The following SNTG1 variants were observed in gnomAD, a reference collection of about 807,000 sequenced individuals.
The protein encoded by SNTG1 is gamma-1-syntrophin.
SNTG1 carries 39 observed loss-of-function variants against 74.7 expected under a neutral mutation model. The ratio of observed to expected loss-of-function variants is 0.52; its 90% CI spans 0.40 to 0.68. The LOEUF is 0.68. SNTG1 is among the 30% of genes least tolerant of loss of function. The pLI is 0.00. For missense variants in SNTG1, 685 were observed against 609.5 expected (o/e 1.12, Z -1.30); for synonymous variants, 254 against 217.1 (o/e 1.17, Z -1.49).
At chr8:49,975,735 G>A (rs1323354867) in intron 1 of SNTG1, among the ~76,000 whole-genome samples, 1 of 148,832 alleles carries the variant, frequency 6.7e-6, no homozygotes, top group East Asian at 2.0e-4. Flanking sequence ...ATATGACTGT[G>A]TGCCTGCAAG....
rs367620487 is a variant in SNTG1 at position 50,133,900 on chromosome 8, A to G, written c.-102-38661A>G. Among the ~76,000 whole-genome samples, 25 of 152,336 alleles carry G rather than the reference A, an allele frequency of 1.6e-4. 1 individual carries two copies. The highest frequency in any genetic ancestry group is 5.8e-4 in the African/African-American group (24 of 41,592). On this transcript the variant is annotated intron_variant, in intron 1 of 18. Transcript: ENST00000642720. ...CTTTTTGAAAGACACAGTCTAATTC[A>G]TAATAAGAAACTTCAATGTAATTAA...
chr8:49,928,971 A>C (rs1563358582), intron 1 of SNTG1, among the ~76,000 whole-genome samples: 1 of 152,188 alleles, frequency 6.6e-6, no homozygotes, highest in Admixed American at 6.5e-5. Context: ...ATTGGACAAG[A>C]GGCTATAATT....
Position 50,536,757 on chromosome 8 carries a change from C to T in SNTG1, c.629C>T (p.Pro210Leu), listed in dbSNP as rs754326601. 9.9e-6 allele frequency: 16 copies of T among 1,613,948 alleles called. No individual in the cohort carries two copies. Among genetic ancestry groups the T allele is most frequent in the African/African-American group, 1.3e-5 (1 of 74,930 alleles). ...EKRWCDLRLI[P>L]LLHSRFSQYV... Reference sequence around the variant, plus strand: ...CGATGGTGCGACCTCAGACTGATCCCTCTACTTCATTCGCGCTTCTCTCAG... The same window carrying T: ...CGATGGTGCGACCTCAGACTGATCCTTCTACTTCATTCGCGCTTCTCTCAG... The change falls in exon 11 of 19, where the codon CCT becomes CTT. Residue 210 changes from proline (P) to leucine (L), a missense_variant. By Grantham distance (98) the Pro-to-Leu change is moderately conservative (BLOSUM62 -3). Transcript: ENST00000642720.
At chr8:49,928,252 G>A (rs1156550412) in intron 1 of SNTG1, among the ~76,000 whole-genome samples, 3 of 151,024 alleles carry the variant, frequency 2.0e-5, no homozygotes, top group African/African-American at 4.9e-5. Context: ...TTTTGAGACA[G>A]AGTCTAGCTC....
At chr8:50,414,626 G>T (rs188483211) in intron 4 of SNTG1, among the ~76,000 whole-genome samples, 1 of 151,682 alleles carries the variant, frequency 6.6e-6, no homozygotes, top group East Asian at 1.9e-4. Flanking sequence ...CTGACTGCAC[G>T]TTTGACATTA....
chr8:50,669,125 G>T lies in SNTG1; in HGVS notation c.1038+10462G>T, dbSNP rs547066098. 3.3e-5 allele frequency among the ~76,000 whole-genome samples: 5 copies of T among 151,940 alleles called. No homozygotes were observed. The East Asian group carries it at 5.8e-4, about 18-fold the overall frequency. ...TGACACCCTAACATCACAATTAAAA[G>T]AACTAGAAAAGCGAGAGCAAACACA... On this transcript the variant is annotated intron_variant, in intron 15 of 18. Coordinates refer to ENST00000642720, the MANE Select transcript of SNTG1 (RefSeq NM_018967.5).
intron 13 of SNTG1, among the ~76,000 whole-genome samples, chr8:50,633,717 T>C (rs1034684995): frequency 6.6e-6 from 1 of 152,074 alleles, no homozygotes; most frequent in African/African-American, 2.4e-5. Context: ...GTGTAGGAAA[T>C]GAACCCCAAA....
chr8:50,392,316 T>C (rs2092673399), intron 2 of SNTG1, among the ~76,000 whole-genome samples: 1 of 152,206 alleles, frequency 6.6e-6, no homozygotes, highest in South Asian at 2.1e-4. Flanking sequence ...CAAGGTGTTC[T>C]GATGAGCTGA....
intron 2 of SNTG1, among the ~76,000 whole-genome samples, chr8:50,375,675 C>G (rs779550148): frequency 6.6e-6 from 1 of 152,090 alleles, no homozygotes; most frequent in East Asian, 1.9e-4. Context: ...TCTGATAATA[C>G]GATGAACATT....
intron 9 of SNTG1, among the ~76,000 whole-genome samples, chr8:50,513,744 G>A (rs566583720): frequency 5.3e-5 from 8 of 152,328 alleles, no homozygotes; most frequent in East Asian, 1.9e-4. Flanking sequence ...CTGGTGTGCC[G>A]TTTGCTAAGA....
chr8:50,053,636 T>TGTGTGC (rs1489671234), intron 1 of SNTG1, among the ~76,000 whole-genome samples: 1 of 150,404 alleles, frequency 6.6e-6, no homozygotes, highest in African/African-American at 2.4e-5. Flanking sequence ...TGTGTGTGTG[T>TGTGTGC]GTGTGTGTGT....
chr8:50,693,828 A>G (rs79169115), intron 15 of SNTG1, among the ~76,000 whole-genome samples: 1 of 152,222 alleles, frequency 6.6e-6, no homozygotes, highest in Non-Finnish European at 1.5e-5. Flanking sequence ...TCACAAATAT[A>G]TGAATATTAA....
chr8:50,720,801 A>G (rs1315481459), intron 17 of SNTG1, among the ~76,000 whole-genome samples: 1 of 152,214 alleles, frequency 6.6e-6, no homozygotes, highest in African/African-American at 2.4e-5. Context: ...TATTGTTGTA[A>G]TTTTTAACAT....
At chr8:50,398,248 T>G (rs2131332262) in intron 3 of SNTG1, among the ~76,000 whole-genome samples, 1 of 152,368 alleles carries the variant, frequency 6.6e-6, no homozygotes, top group South Asian at 2.1e-4. Context: ...ATTATCTCCT[T>G]GCTCACATTT....
chr8:50,044,835 C>CAGAT (rs1818942357), intron 1 of SNTG1, among the ~76,000 whole-genome samples: 1 of 152,118 alleles, frequency 6.6e-6, no homozygotes, highest in African/African-American at 2.4e-5. Context: ...CAAGAACTTC[C>CAGAT]AGATATAAGG....
intron 2 of SNTG1, among the ~76,000 whole-genome samples, chr8:50,264,697 T>A (rs1269804222): frequency 6.6e-6 from 1 of 151,154 alleles, no homozygotes; most frequent in Non-Finnish European, 1.5e-5. Context: ...TTAAAAAAAA[T>A]TAATGGTACC....
chr8:50,075,067 A>G (rs1266924977), intron 1 of SNTG1, among the ~76,000 whole-genome samples: 1 of 152,140 alleles, frequency 6.6e-6, no homozygotes, highest in African/African-American at 2.4e-5. Flanking sequence ...CACTGCCCCC[A>G]TATTTTCACC....
rs114698590 is a variant in SNTG1, at chr8:50,281,693, G to T, written c.-28+109058G>T. On this transcript the variant is annotated intron_variant, in intron 2 of 18. Transcript: ENST00000642720. Reference sequence around the variant, plus strand: ...CAATGAAAAGGACTAGAATCTAATAGGTATACTATAATTTTTCTCTCTACA... The same window carrying T: ...CAATGAAAAGGACTAGAATCTAATATGTATACTATAATTTTTCTCTCTACA... 8.8e-3 allele frequency among the ~76,000 whole-genome samples: 1,333 copies of T among 152,160 alleles called. 18 individuals are homozygous for T. Among genetic ancestry groups the T allele is most frequent in the African/African-American group, 0.031 (1,279 of 41,528 alleles).
At chr8:50,144,033 T>C (rs1313103761) in intron 1 of SNTG1, among the ~76,000 whole-genome samples, 1 of 152,164 alleles carries the variant, frequency 6.6e-6, no homozygotes, top group East Asian at 1.9e-4. Flanking sequence ...ACCAGAGTGA[T>C]GACACATTTC....
Sources: gnomAD v4.1 joint callset for allele counts (sites outside exome capture counted in the v4.1 genomes callset) on GRCh38, gnomAD v4.1.1 for gene constraint, MANE v1.5 for transcripts, NCBI Gene and HGNC (gene_info 2026-07-23, HGNC 2026-07-21) for gene names.